GSTCD: variants seen among roughly 807,000 people sequenced by gnomAD.
The protein encoded by GSTCD is glutathione S-transferase C-terminal domain-containing protein.
In GSTCD, 44 loss-of-function variants were observed where a neutral mutation model predicts 68.3. That is an observed-to-expected ratio of 0.64 (90% CI 0.51 to 0.83). The LOEUF is 0.83. Ranked by LOEUF, GSTCD falls within the 40% of genes least tolerant of loss-of-function variation. The pLI, the probability that GSTCD is intolerant of heterozygous loss-of-function variation, is 0.00. For synonymous variants in GSTCD, 273 were observed against 255.2 expected, an observed-to-expected ratio of 1.07 and a Z score of -0.67; for missense variants, 739 against 735.9, an observed-to-expected ratio of 1.00 and a Z score of -0.05.
At chr4:105,713,931 G>A (rs980734431) in intron 1 of GSTCD, among the ~76,000 whole-genome samples, 1 of 151,286 alleles carries the variant, frequency 6.6e-6, no homozygotes, top group Admixed American at 6.6e-5. Flanking sequence ...TTTCTGGACT[G>A]TGGAGAAGTA....
At chr4:105,731,084 G>A (rs895312632) in intron 5 of GSTCD, among the ~76,000 whole-genome samples, 6 of 152,046 alleles carry the variant, frequency 3.9e-5, no homozygotes, top group Admixed American at 3.9e-4. Flanking sequence ...TGTTCCATTG[G>A]TCTATATCTC....
chr4:105,720,175 T>G (rs534201625), intron 3 of GSTCD, among the ~76,000 whole-genome samples: 3 of 151,992 alleles, frequency 2.0e-5, no homozygotes, highest in Non-Finnish European at 4.4e-5. Context: ...CTGTCTGTCT[T>G]ACATACACAC....
chr4:105,773,295 T>A (rs1268201444), intron 5 of GSTCD, among the ~76,000 whole-genome samples: 1 of 152,166 alleles, frequency 6.6e-6, no homozygotes, highest in Non-Finnish European at 1.5e-5. Context: ...TGTTAATCTT[T>A]TCAAAAATCC....
intron 5 of GSTCD, among the ~76,000 whole-genome samples, chr4:105,741,276 A>G (rs1003814808): frequency 6.6e-6 from 1 of 152,144 alleles, no homozygotes; most frequent in African/African-American, 2.4e-5. Flanking sequence ...TTCTGCCCCA[A>G]AGATATTTTA....
At chr4:105,734,351 CAT>C (rs1167949405) in intron 5 of GSTCD, among the ~76,000 whole-genome samples, 3 of 152,248 alleles carry the variant, frequency 2.0e-5, no homozygotes, top group African/African-American at 7.2e-5. Flanking sequence ...GGTCTTTTCA[CAT>C]AGTCCCATAT....
chr4:105,760,763 GT>G (rs2149235355), intron 5 of GSTCD, among the ~76,000 whole-genome samples: 1 of 152,306 alleles, frequency 6.6e-6, no homozygotes, highest in South Asian at 2.1e-4. Context: ...CAGAAAAATA[GT>G]TTATGAAGTA....
chr4:105,712,787 C>T (rs1452047822), intron 1 of GSTCD, among the ~76,000 whole-genome samples: 1 of 151,972 alleles, frequency 6.6e-6, no homozygotes, highest in African/African-American at 2.4e-5. Flanking sequence ...GAGTTTTTGG[C>T]CTAAGCATCT....
intron 5 of GSTCD, chr4:105,761,986 G>A (rs1409455402): frequency 3.3e-5 from 5 of 152,292 alleles, no homozygotes; most frequent in African/African-American, 1.2e-4. Flanking sequence ...CAACTCTCCC[G>A]AAGGGAGAAA....
At chr4:105,776,949 T>G (rs2149247053) in intron 5 of GSTCD, among the ~76,000 whole-genome samples, 1 of 152,320 alleles carries the variant, frequency 6.6e-6, no homozygotes, top group East Asian at 1.9e-4. Context: ...ACTTTATAAC[T>G]ACCTGCCATT....
At chr4:105,841,926 A>T in intron 10 of GSTCD, 139 bp from the exon 11 acceptor site, 1 of 630,792 alleles carries the variant, frequency 1.6e-6, no homozygotes, top group South Asian at 2.0e-5. Context: ...CTTTTTTCAA[A>T]AATACTATTT....
chr4:105,845,484 T>C lies in GSTCD; in HGVS notation c.1809T>C (p.Ala603=), dbSNP rs370102277. Residue 603 remains alanine (A), a synonymous_variant, in exon 12 of 12, where the codon GCT becomes GCC. Coordinates refer to ENST00000515279, the MANE Select transcript of GSTCD (RefSeq NM_001370181.1). ...TGGTGGATCTGGATCGAGCAAGAGC[T>C]GCAGAAGAATGTGGATACTCCGTTC... The part of the protein sequence containing the change: ...MCLVDLDRAR[A]AEECGYSVQV... 8.7e-6 allele frequency: 14 copies of C among 1,614,040 alleles called. No individual in the cohort carries two copies. Among genetic ancestry groups the C allele is most frequent in the Non-Finnish European group, 7.6e-6 (9 of 1,180,012 alleles).
At chr4:105,819,524 TCTTA>T (rs1323795482) in intron 5 of GSTCD, among the ~76,000 whole-genome samples, 1 of 151,748 alleles carries the variant, frequency 6.6e-6, no homozygotes, top group Non-Finnish European at 1.5e-5. Flanking sequence ...TAAGTAGGTA[TCTTA>T]CTTATTGTTC....
Position 105,813,092 on chromosome 4 carries a change from G to A in GSTCD, c.1241-9862G>A, listed in dbSNP as rs1722819770. Reference sequence around the variant, plus strand: ...GGATTCAAATCCTGGCTCCATCATGGAGTAACTATGTGACCAAAGCAAGCT... The same window carrying A: ...GGATTCAAATCCTGGCTCCATCATGAAGTAACTATGTGACCAAAGCAAGCT... On this transcript the variant is annotated intron_variant, in intron 5 of 11. Coordinates refer to ENST00000515279, the MANE Select transcript of GSTCD (RefSeq NM_001370181.1). Among the ~76,000 whole-genome samples, 5 of 152,178 alleles carry A rather than the reference G, an allele frequency of 3.3e-5. No individual in the cohort carries two copies. The South Asian group carries it at 1.0e-3, about 32-fold the overall frequency.
At chr4:105,798,749 T>C (rs1432258106) in intron 5 of GSTCD, among the ~76,000 whole-genome samples, 1 of 25,954 alleles carries the variant, frequency 3.9e-5, no homozygotes, top group Non-Finnish European at 1.1e-4. Flanking sequence ...ATTTCTAGAA[T>C]ACAGGCAGAA....
intron 5 of GSTCD, among the ~76,000 whole-genome samples, chr4:105,768,059 G>T (rs1157636137): frequency 1.4e-5 from 2 of 147,962 alleles, no homozygotes; most frequent in Non-Finnish European, 3.0e-5. Flanking sequence ...TTTTTGAGAC[G>T]GAGTCTCTCC....
chr4:105,746,589 A>C, intron 5 of GSTCD, among the ~76,000 whole-genome samples: 1 of 152,192 alleles, frequency 6.6e-6, no homozygotes, highest in East Asian at 1.9e-4. Context: ...CTCTTTGTGT[A>C]GATCACTGAT....
chr4:105,785,479 GTAT>G (rs1735431113), intron 5 of GSTCD, among the ~76,000 whole-genome samples: 1 of 152,006 alleles, frequency 6.6e-6, no homozygotes, highest in Non-Finnish European at 1.5e-5. Context: ...ACATTTATTT[GTAT>G]CAATATCGAT....
At chr4:105,834,616 A>T in intron 9 of GSTCD, 22 bp downstream of exon 9, 1 of 1,610,158 alleles carries the variant, frequency 6.2e-7, no homozygotes, top group Non-Finnish European at 8.5e-7. Flanking sequence ...AGTGTTCTAC[A>T]TAAGACACCA....
rs182708913 is a variant in GSTCD at position 105,734,096 on chromosome 4, C to G, written c.1240+4597C>G. On this transcript the variant is annotated intron_variant, in intron 5 of 11. Transcript: ENST00000515279. ...GGCTTCCTTTTGTGGGTACCCCGAC[C>G]TTTCTCTCTGGCTGCCCTTAACATT... Among the ~76,000 whole-genome samples the G allele has an allele frequency of 2.0e-3, 304 of 152,308 alleles. 3 individuals carry two copies. Among genetic ancestry groups the G allele is most frequent in the African/African-American group, 7.2e-3 (299 of 41,558 alleles).
Sources: allele counts gnomAD v4.1 joint callset (sites outside exome capture counted in the v4.1 genomes callset), GRCh38; gene constraint gnomAD v4.1.1; transcripts MANE v1.5; gene names NCBI Gene and HGNC (gene_info 2026-07-23, HGNC 2026-07-21).